The following CORIN variants were observed in gnomAD, a reference collection of about 807,000 sequenced individuals.
CORIN encodes corin, serine peptidase, also known as atrial natriuretic peptide-converting enzyme.
CORIN carries 117 observed loss-of-function variants against 125.3 expected under a neutral mutation model. The observed-to-expected ratio is 0.93, with a 90% CI of 0.80 to 1.09. The LOEUF (loss-of-function observed/expected upper bound fraction) is 1.09, where lower values mean the gene tolerates loss of function less well. Ranked by LOEUF, CORIN falls within the 50% of genes least tolerant of loss-of-function variation. The pLI, the probability that CORIN is intolerant of heterozygous loss-of-function variation, is 0.00. For synonymous variants in CORIN, 450 were observed against 466.4 expected (o/e 0.96, Z 0.45); for missense variants, 1,253 against 1,306.7 (o/e 0.96, Z 0.63).
chr4:47,738,768 G>A (rs1212292207), intron 5 of CORIN, among the ~76,000 whole-genome samples: 1 of 152,088 alleles, frequency 6.6e-6, no homozygotes, highest in African/African-American at 2.4e-5. Context: ...TTTTAAATCA[G>A]TTATTTTAAC....
At chr4:47,695,879 T>C (rs1200353390) in intron 5 of CORIN, among the ~76,000 whole-genome samples, 1 of 152,164 alleles carries the variant, frequency 6.6e-6, no homozygotes, top group Non-Finnish European at 1.5e-5. Context: ...AACATTGAAA[T>C]GGGCCAAAGC....
Position 47,641,961 on chromosome 4 carries a change from C to T in CORIN, c.2157G>A (p.Gln719=). The change falls in exon 16 of 22, where the codon CAG becomes CAA. Residue 719 remains glutamine (Q), a synonymous_variant. Coordinates refer to ENST00000273857, the MANE Select transcript of CORIN (RefSeq NM_006587.4). ...TEHHVCADGW[Q]EILSQLACKQ... The stretch of plus-strand genomic sequence containing the variant: ...TGCAGGCCAGCTGACTCAATATCTC[C>T]TGCCAGCCATCTGCACACACATGGT... 6.2e-7 allele frequency: 1 copy of T among 1,613,628 alleles called. No individual in the cohort carries two copies. The highest frequency in any genetic ancestry group is 8.5e-7 in the Non-Finnish European group (1 of 1,179,652).
intron 16 of CORIN, chr4:47,632,306 A>C (rs773019908): frequency 5.3e-5 from 8 of 152,208 alleles, no homozygotes; most frequent in Admixed American, 2.6e-4. Flanking sequence ...TTGACAGTTC[A>C]TCTTGACATA....
chr4:47,626,329 A>G, intron 17 of CORIN, 76 bp downstream of exon 17: 1 of 896,562 alleles, frequency 1.1e-6, no homozygotes, highest in South Asian at 1.4e-5. Flanking sequence ...TTAAGTTAAA[A>G]AATGGAAGAA....
chr4:47,641,235 A>T (rs1297846988), intron 16 of CORIN, among the ~76,000 whole-genome samples: 3 of 152,108 alleles, frequency 2.0e-5, no homozygotes, highest in Non-Finnish European at 4.4e-5. Context: ...GAATTTTAGA[A>T]CTCCTTTGTC....
chr4:47,636,110 T>C (rs1247685315), intron 16 of CORIN, among the ~76,000 whole-genome samples: 1 of 152,208 alleles, frequency 6.6e-6, no homozygotes, highest in Non-Finnish European at 1.5e-5. Context: ...TTTGTGGTTT[T>C]GCCCAGATAC....
intron 5 of CORIN, among the ~76,000 whole-genome samples, chr4:47,706,143 T>G (rs145980101): frequency 2.0e-5 from 3 of 152,222 alleles, no homozygotes; most frequent in Non-Finnish European, 4.4e-5. Flanking sequence ...CTGTGGATGC[T>G]GAATGGATTT....
chr4:47,606,146 T>C (rs1486150921), intron 19 of CORIN, among the ~76,000 whole-genome samples: 1 of 152,196 alleles, frequency 6.6e-6, no homozygotes, highest in African/African-American at 2.4e-5. Flanking sequence ...TCCCTGCCTA[T>C]ACAAACATTG....
intron 19 of CORIN, among the ~76,000 whole-genome samples, chr4:47,613,596 G>A (rs944567415): frequency 4.6e-5 from 7 of 151,670 alleles, no homozygotes; most frequent in African/African-American, 1.5e-4. Flanking sequence ...AAGAAAATGT[G>A]GCACATATAC....
intron 19 of CORIN, among the ~76,000 whole-genome samples, chr4:47,611,121 A>G (rs907609113): frequency 1.3e-5 from 2 of 152,150 alleles, no homozygotes; most frequent in Non-Finnish European, 2.9e-5. Context: ...GTTTTTTCTA[A>G]TTCTGTGAAG....
At chr4:47,833,148 G>A (rs1485544420) in intron 1 of CORIN, among the ~76,000 whole-genome samples, 7 of 151,078 alleles carry the variant, frequency 4.6e-5, no homozygotes, top group South Asian at 2.1e-4. Context: ...GGTATCATAC[G>A]TCATGATTTC....
intron 1 of CORIN, among the ~76,000 whole-genome samples, chr4:47,833,521 C>CAAAAAAAAAAAAAAAAAAAAAAA (rs75657429): frequency 8.7e-6 from 1 of 115,042 alleles, no homozygotes; most frequent in Non-Finnish European, 1.7e-5. Flanking sequence ...AAAGCATAGG[C>CAAAAAAAAAAAAAAAAAAAAAAA]AAAAAAAAAA....
At chr4:47,735,224 T>C (rs1728069904) in intron 5 of CORIN, among the ~76,000 whole-genome samples, 1 of 152,226 alleles carries the variant, frequency 6.6e-6, no homozygotes. Flanking sequence ...TATACAAAGA[T>C]TGTAGCTGGC....
chr4:47,772,125 A>T (rs374171329), intron 3 of CORIN, among the ~76,000 whole-genome samples: 2 of 143,736 alleles, frequency 1.4e-5, no homozygotes, highest in African/African-American at 5.1e-5. Flanking sequence ...AGGTAGATAG[A>T]TAATTGTCTC....
chr4:47,731,272 G>A (rs1727859752), intron 5 of CORIN, among the ~76,000 whole-genome samples: 1 of 152,136 alleles, frequency 6.6e-6, no homozygotes, highest in African/African-American at 2.4e-5. Flanking sequence ...ACAAATAGAA[G>A]GCAAATTTGT....
At chr4:47,677,892 A>G in intron 9 of CORIN, 46 bp downstream of exon 9, 1 of 1,302,828 alleles carries the variant, frequency 7.7e-7, no homozygotes, top group Non-Finnish European at 1.1e-6. Flanking sequence ...TCCCAAGGAG[A>G]GGACCACCAG....
chr4:47,807,245 C>G (rs753159558), intron 1 of CORIN, among the ~76,000 whole-genome samples, 198 bp from the exon 2 acceptor site: 1 of 152,212 alleles, frequency 6.6e-6, no homozygotes, highest in Non-Finnish European at 1.5e-5. Context: ...CAGGGAAGAG[C>G]AAACTATCTA....
intron 15 of CORIN, 105 bp from the exon 16 acceptor site, chr4:47,642,154 T>A (rs1577773084): frequency 1.7e-6 from 2 of 1,209,704 alleles, no homozygotes; most frequent in Non-Finnish European, 1.2e-6. Flanking sequence ...TCATTTTCAT[T>A]TATTTTAGTT....
chr4:47,788,659 C>T (rs1730928883), intron 2 of CORIN, among the ~76,000 whole-genome samples: 1 of 152,176 alleles, frequency 6.6e-6, no homozygotes, highest in Admixed American at 6.5e-5. Flanking sequence ...GTTTTCCTTA[C>T]ATCCATTTGT....
Sources: allele counts gnomAD v4.1 joint callset (sites outside exome capture counted in the v4.1 genomes callset), GRCh38; gene constraint gnomAD v4.1.1; transcripts MANE v1.5; gene names NCBI Gene and HGNC (gene_info 2026-07-23, HGNC 2026-07-21).